IL36B: variants seen among roughly 807,000 people sequenced by gnomAD.
The protein encoded by IL36B is interleukin-36 beta.
IL36B carries 23 observed loss-of-function variants against 19.3 expected under a neutral mutation model. The ratio of observed to expected loss-of-function variants is 1.19; its 90% CI spans 0.86 to 1.69. The LOEUF (loss-of-function observed/expected upper bound fraction) is 1.69, where lower values mean the gene tolerates loss of function less well. Ranked by LOEUF, IL36B falls within the 40% of genes most tolerant of loss-of-function variation. IL36B has a pLI of 0.00. For missense variants in IL36B, 217 were observed against 200.5 expected, an observed-to-expected ratio of 1.08 and a Z score of -0.50; for synonymous variants, 59 against 59.7, an observed-to-expected ratio of 0.99 and a Z score of 0.05.
chr2:113,033,201 C>T (rs1330426049), intron 1 of IL36B, among the ~76,000 whole-genome samples: 1 of 152,178 alleles, frequency 6.6e-6, no homozygotes, highest in Non-Finnish European at 1.5e-5. Context: ...AGAGCTTTAC[C>T]TGAGTAACCT....
rs1558829196 is a variant in IL36B, at chr2:113,022,539, T to C, written c.*135A>G. On this transcript the variant is annotated 3_prime_UTR_variant, in exon 6 of 6. Transcript: ENST00000259213. ...GATTTACCAACTCTTTAAAAATACA[T>C]AGTGTCCTTGTTTTACAAACTCTCC... 4 of 608,126 alleles carry C rather than the reference T, an allele frequency of 6.6e-6. No individual in the cohort carries two copies. In the East Asian group the frequency reaches 1.1e-4, roughly 17 times the overall value. 37.7% of individuals were successfully genotyped at this position (608,126 alleles called of 1,614,324 possible). A position where few individuals can be genotyped will look rare whatever the true frequency, so the allele number is the denominator to read the frequency against.
rs1302653887 is a variant in IL36B, at chr2:113,022,381, C to A, written c.*293G>T. 1 of 212,024 alleles carries A rather than the reference C, an allele frequency of 4.7e-6. No individual in the cohort carries two copies. Among genetic ancestry groups the A allele is most frequent in the East Asian group, 1.3e-4 (1 of 7,776 alleles). The allele number at this position is 212,024 out of a possible 1,614,324, so 13.1% of individuals were successfully genotyped here. On this transcript the variant is annotated 3_prime_UTR_variant, in exon 6 of 6. Transcript: ENST00000259213. Reference sequence around the variant, plus strand: ...TCAGGAGCAATGTTGTCTGATCTTCCCATTTTTCATGAAAACCTTGACTTT... The same window carrying A: ...TCAGGAGCAATGTTGTCTGATCTTCACATTTTTCATGAAAACCTTGACTTT...
intron 3 of IL36B, 62 bp downstream of exon 3, chr2:113,030,986 C>T (rs1470129626): frequency 1.6e-6 from 2 of 1,231,848 alleles, no homozygotes; most frequent in African/African-American, 3.0e-5. Context: ...GCAAGCTCAG[C>T]CTCATTCCTG....
In IL36B at chr2:113,029,208, C is replaced by T. The variant is rs1426536306; in HGVS notation, c.122-130G>A. On this transcript the variant is annotated intron_variant, in intron 3 of 5. Transcript: ENST00000259213. ...TGTGGCAGAGACCCTCCATCACCCT[C>T]CTCAAACCTATTTTGTTTTTCGTCC... The T allele has an allele frequency of 4.7e-6, 4 of 859,616 alleles. No homozygotes were observed. The African/African-American group carries it at 5.1e-5, about 11-fold the overall frequency. The allele number at this position is 859,616 out of a possible 1,614,324, so 53.2% of individuals were successfully genotyped here.
chr2:113,031,612 C>A, intron 2 of IL36B, 85 bp downstream of exon 2: 1 of 1,175,784 alleles, frequency 8.5e-7, no homozygotes, highest in Admixed American at 1.7e-5. Flanking sequence ...TATAGCTTAG[C>A]AAATGATAGG....
chr2:113,024,005 G>A (rs772887495), intron 5 of IL36B, among the ~76,000 whole-genome samples: 2 of 152,134 alleles, frequency 1.3e-5, no homozygotes, highest in Non-Finnish European at 2.9e-5. Flanking sequence ...GTGGAGGGAA[G>A]GACAGGGCAG....
At chr2:113,032,597 G>T (rs377342543) in intron 1 of IL36B, among the ~76,000 whole-genome samples, 35 of 152,246 alleles carry the variant, frequency 2.3e-4, no homozygotes, top group African/African-American at 8.2e-4. Flanking sequence ...GCACTTCGAG[G>T]CTAAACACAG....
At chr2:113,051,396 G>A (rs909341687) in intron 1 of IL36B, among the ~76,000 whole-genome samples, 3 of 152,208 alleles carry the variant, frequency 2.0e-5, no homozygotes, top group Non-Finnish European at 4.4e-5. Flanking sequence ...GAAACTGTGG[G>A]TGTGACACAC....
intron 5 of IL36B, among the ~76,000 whole-genome samples, chr2:113,023,464 A>AGAGC (rs1295751573): frequency 6.6e-6 from 1 of 152,236 alleles, no homozygotes; most frequent in Non-Finnish European, 1.5e-5. Context: ...TTAGTGAACT[A>AGAGC]GAGCTGTAAT....
intron 5 of IL36B, among the ~76,000 whole-genome samples, chr2:113,023,076 G>T (rs1272590296): frequency 6.6e-6 from 1 of 152,118 alleles, no homozygotes; most frequent in African/African-American, 2.4e-5. Flanking sequence ...CAATAATAAA[G>T]GCACTGCTAT....
At chr2:113,047,623 C>A (rs1004399528) in intron 1 of IL36B, among the ~76,000 whole-genome samples, 3 of 152,112 alleles carry the variant, frequency 2.0e-5, no homozygotes, top group African/African-American at 7.2e-5. Context: ...GTAACCAATG[C>A]CTTGGGAATG....
chr2:113,035,188 A>T (rs1685145128), intron 1 of IL36B, among the ~76,000 whole-genome samples: 1 of 152,242 alleles, frequency 6.6e-6, no homozygotes, highest in East Asian at 1.9e-4. Context: ...CAATGGGTCA[A>T]GTGATAGGAT....
Position 113,026,148 on chromosome 2 carries a change from C to A in IL36B, c.346G>T (p.Glu116Ter). The A allele has an allele frequency of 1.9e-6, 3 of 1,613,954 alleles. No individual in the cohort carries two copies. The highest frequency in any genetic ancestry group is 2.5e-6 in the Non-Finnish European group (3 of 1,179,842). The change falls in exon 5 of 6, where the codon GAG (glutamate) becomes TAG (stop). Residue 116 changes from glutamate to a stop codon, truncating the protein, a stop_gained. Transcript: ENST00000259213. LOFTEE classifies it low-confidence loss of function (END_TRUNC). Reference sequence around the variant, plus strand: ...TCAAGGGTTCCCATGAAGCAGCTCTCTCTCACATCCAGGTTTATGCATGTG... The same window carrying A: ...TCAAGGGTTCCCATGAAGCAGCTCTATCTCACATCCAGGTTTATGCATGTG...
intron 1 of IL36B, among the ~76,000 whole-genome samples, chr2:113,033,098 C>T (rs1685108624): frequency 6.6e-6 from 1 of 152,226 alleles, no homozygotes; most frequent in African/African-American, 2.4e-5. Context: ...TTAGGCCAAT[C>T]ACAGTACTCC....
intron 1 of IL36B, among the ~76,000 whole-genome samples, chr2:113,050,113 C>A (rs1242215647): frequency 6.6e-6 from 1 of 152,288 alleles, no homozygotes; most frequent in East Asian, 1.9e-4. Context: ...TGGGTATATT[C>A]ACAAAGAATT....
chr2:113,049,901 G>A (rs1685412656), intron 1 of IL36B, among the ~76,000 whole-genome samples: 1 of 152,000 alleles, frequency 6.6e-6, no homozygotes. Context: ...GTTGAAGTGA[G>A]CTGAGATCAC....
At chr2:113,041,126 A>C (rs952741924) in intron 1 of IL36B, among the ~76,000 whole-genome samples, 4 of 147,774 alleles carry the variant, frequency 2.7e-5, no homozygotes, top group African/African-American at 1.0e-4. Context: ...ACTGCACTCC[A>C]GCCCTGGGTG....
chr2:113,028,117 TG>T lies in IL36B; in HGVS notation c.261+821del, dbSNP rs761895629. The T allele has an allele frequency of 2.5e-6, 4 of 1,613,348 alleles. No homozygotes were observed. In the African/African-American group the frequency reaches 4.0e-5, roughly 16 times the overall value. The stretch of plus-strand genomic sequence containing the variant: ...ATACAGGTCCATGATATTTTTTTCC[TG>T]GGGGTGGAAAAGAGGCTTGTTAGAG... On this transcript the variant is annotated intron_variant, in intron 4 of 5. Coordinates refer to ENST00000259213, the MANE Select transcript of IL36B (RefSeq NM_014438.5).
chr2:113,050,406 T>C (rs1573380165), intron 1 of IL36B, among the ~76,000 whole-genome samples: 1 of 151,736 alleles, frequency 6.6e-6, no homozygotes, highest in African/African-American at 2.4e-5. Context: ...GTCAAATTCA[T>C]AGAGATGGAA....
Sources: gnomAD v4.1 joint callset for allele counts (sites outside exome capture counted in the v4.1 genomes callset) on GRCh38, gnomAD v4.1.1 for gene constraint, MANE v1.5 for transcripts, NCBI Gene and HGNC (gene_info 2026-07-23, HGNC 2026-07-21) for gene names.